The following AHCY variants were observed in gnomAD, a reference collection of about 807,000 sequenced individuals.
AHCY encodes adenosylhomocysteinase, also known as S-adenosyl-L-homocysteine hydrolase.
In AHCY, 24 loss-of-function variants were observed where a neutral mutation model predicts 45.4. The observed-to-expected ratio is 0.53, with a 90% CI of 0.38 to 0.74. The LOEUF (loss-of-function observed/expected upper bound fraction) is 0.74, where lower values mean the gene tolerates loss of function less well. Among genes scored for constraint, AHCY ranks in the 30% least tolerant of loss-of-function variants. The pLI is 0.00. For synonymous variants in AHCY, 245 were observed against 235.1 expected, an observed-to-expected ratio of 1.04 and a Z score of -0.39; for missense variants, 449 against 594.1, an observed-to-expected ratio of 0.76 and a Z score of 2.54.
chr20:34,290,992 G>A lies in AHCY; in HGVS notation c.559-54C>T, dbSNP rs1434806380. On this transcript the variant is annotated intron_variant, in intron 5 of 9. Transcript: ENST00000217426. The surrounding 1 kb of genome is among the most constrained non-coding windows in gnomAD (Gnocchi z 4.5). ...AGGGGCAGGCAAGGCCCTGGGGCCA[G>A]GACAACTTGGCCTCAGAGTATTCTG... The A allele has an allele frequency of 2.5e-6, 4 of 1,569,070 alleles. No homozygotes were observed. The African/African-American group carries it at 4.1e-5, about 16-fold the overall frequency.
At chr20:34,284,509 T>C (rs1176108041) in intron 9 of AHCY, among the ~76,000 whole-genome samples, 1 of 152,164 alleles carries the variant, frequency 6.6e-6, no homozygotes, top group Non-Finnish European at 1.5e-5. Context: ...GCCTGCAGAC[T>C]GCACTCAGCT....
At chr20:34,282,819 A>C (rs2036046715) in intron 9 of AHCY, among the ~76,000 whole-genome samples, 1 of 152,150 alleles carries the variant, frequency 6.6e-6, no homozygotes, top group Non-Finnish European at 1.5e-5. Context: ...GCAAGCCTCT[A>C]ACTCTCTCAT....
chr20:34,269,179 C>A, the AHCY span: 2 of 1,492,722 alleles, frequency 1.3e-6, no homozygotes, highest in Admixed American at 2.2e-5. Flanking sequence ...CGCCCCCACT[C>A]CCGGCCGCGA....
chr20:34,272,195 T>C, the AHCY span, among the ~76,000 whole-genome samples: 1 of 152,230 alleles, frequency 6.6e-6, no homozygotes, highest in African/African-American at 2.4e-5. Flanking sequence ...ATTCACCTGA[T>C]GTGGGGCCAA....
chr20:34,254,047 GTTTT>G, the AHCY span, among the ~76,000 whole-genome samples: 1 of 151,672 alleles, frequency 6.6e-6, no homozygotes, highest in Non-Finnish European at 1.5e-5. Context: ...TTATTGTCCT[GTTTT>G]TTTGTTTTGT....
chr20:34,266,596 C>T, the AHCY span, among the ~76,000 whole-genome samples: 1 of 150,988 alleles, frequency 6.6e-6, no homozygotes, highest in African/African-American at 2.4e-5. Flanking sequence ...TCACTGGAAC[C>T]CGGGAGATGA....
chr20:34,268,933 G>C, the AHCY span: 1 of 1,551,368 alleles, frequency 6.4e-7, no homozygotes. Context: ...CCAGGCAGAG[G>C]TGAGGACCGG....
chr20:34,291,820 C>T (rs1434263967), intron 4 of AHCY, among the ~76,000 whole-genome samples: 3 of 152,238 alleles, frequency 2.0e-5, no homozygotes, highest in African/African-American at 4.8e-5. Context: ...AGTCTCCCTA[C>T]CACAACCCAT....
At chr20:34,274,612 C>A in the AHCY span, among the ~76,000 whole-genome samples, 1 of 152,048 alleles carries the variant, frequency 6.6e-6, no homozygotes, top group Admixed American at 6.6e-5. Context: ...TCAGTACTTA[C>A]TCAAGAGGCC....
the AHCY span, among the ~76,000 whole-genome samples, chr20:34,262,371 A>C: frequency 6.6e-6 from 1 of 152,206 alleles, no homozygotes; most frequent in African/African-American, 2.4e-5. Flanking sequence ...TCAGGATTCA[A>C]ATCAGGTCCT....
intron 1 of AHCY, among the ~76,000 whole-genome samples, chr20:34,296,553 G>T (rs1227053613): frequency 6.6e-6 from 1 of 152,140 alleles, no homozygotes; most frequent in South Asian, 2.1e-4. Flanking sequence ...TTCTCAGGCA[G>T]GAAAGAAGGA....
chr20:34,277,191 C>T (rs149646755), downstream of AHCY, among the ~76,000 whole-genome samples: 1 of 152,264 alleles, frequency 6.6e-6, no homozygotes, highest in Non-Finnish European at 1.5e-5. Context: ...CCACCACAGC[C>T]AGTCACACAG....
At chr20:34,235,643 G>A in the AHCY span, among the ~76,000 whole-genome samples, 2 of 151,716 alleles carry the variant, frequency 1.3e-5, no homozygotes, top group Non-Finnish European at 2.9e-5. Flanking sequence ...GTCTGGCTGG[G>A]CATGGTAGCG....
chr20:34,301,947 CAAGT>C (rs2036786643), intron 1 of AHCY: 1 of 985,146 alleles, frequency 1.0e-6, no homozygotes, highest in African/African-American at 1.7e-5. Context: ...AGATATACAG[CAAGT>C]GTTTCCATAA....
the AHCY span, chr20:34,262,908 G>A: frequency 1.2e-6 from 2 of 1,613,626 alleles, no homozygotes; most frequent in Non-Finnish European, 1.7e-6. Context: ...GGGCAGGGAA[G>A]TTCTGGGAGT....
At chr20:34,269,841 G>T in the AHCY span, among the ~76,000 whole-genome samples, 2 of 149,780 alleles carry the variant, frequency 1.3e-5, no homozygotes, top group Non-Finnish European at 3.0e-5. Flanking sequence ...CTACTTGGGA[G>T]GCTGAGGCAG....
At chr20:34,250,470 C>T in the AHCY span, among the ~76,000 whole-genome samples, 1 of 152,178 alleles carries the variant, frequency 6.6e-6, no homozygotes, top group Non-Finnish European at 1.5e-5. Context: ...GAGTTTCAGG[C>T]CAGCCTGGGC....
At chr20:34,246,184 A>G in the AHCY span, 2 of 1,182,138 alleles carry the variant, frequency 1.7e-6, no homozygotes, top group Admixed American at 4.4e-5. Context: ...TTGCTCTAGG[A>G]ATTTTGGCCT....
chr20:34,262,905 G>A, the AHCY span: 1 of 1,613,810 alleles, frequency 6.2e-7, no homozygotes, highest in East Asian at 2.2e-5. Context: ...TAAGGGCAGG[G>A]AAGTTCTGGG....
Sources: allele counts gnomAD v4.1 joint callset (sites outside exome capture counted in the v4.1 genomes callset), GRCh38; gene constraint gnomAD v4.1.1; non-coding constraint Gnocchi (gnomAD v3.1); transcripts MANE v1.5; gene names NCBI Gene and HGNC (gene_info 2026-07-23, HGNC 2026-07-21).